SSH2: variants seen among roughly 807,000 people sequenced by gnomAD.
The protein encoded by SSH2 is slingshot protein phosphatase 2.
Under a neutral mutation model 135.2 loss-of-function variants are expected in SSH2, and 37 were observed. That is an observed-to-expected ratio of 0.27 (90% CI 0.21 to 0.36). The LOEUF (loss-of-function observed/expected upper bound fraction) is 0.36, where lower values mean the gene tolerates loss of function less well. Ranked by LOEUF, SSH2 falls within the 10% of genes least tolerant of loss-of-function variation. SSH2 has a pLI of 1.00. For missense variants in SSH2, 1,408 were observed against 1,765.3 expected, an observed-to-expected ratio of 0.80 and a Z score of 3.63; for synonymous variants, 628 against 646.2, an observed-to-expected ratio of 0.97 and a Z score of 0.43.
chr17:29,648,391 G>T, intron 13 of SSH2, 47 bp from the exon 14 acceptor site: 1 of 1,465,270 alleles, frequency 6.8e-7, no homozygotes, highest in Non-Finnish European at 9.2e-7. Flanking sequence ...TACAATAGTG[G>T]GGATATTTTA....
chr17:29,693,979 A>G (rs2038607646), intron 5 of SSH2, among the ~76,000 whole-genome samples: 1 of 152,194 alleles, frequency 6.6e-6, no homozygotes, highest in Non-Finnish European at 1.5e-5. Context: ...TACTACCTTT[A>G]GTTAGTAATC....
intron 14 of SSH2, among the ~76,000 whole-genome samples, chr17:29,640,109 C>T (rs1345469412): frequency 5.4e-5 from 8 of 149,396 alleles, no homozygotes; most frequent in South Asian, 4.2e-4. Context: ...GACGGAGTCT[C>T]GCTCTGTCAC....
At chr17:29,727,420 T>TA (rs1472852742) in intron 3 of SSH2, among the ~76,000 whole-genome samples, 2 of 152,196 alleles carry the variant, frequency 1.3e-5, no homozygotes, top group East Asian at 1.9e-4. Context: ...AATCCATTAT[T>TA]AAAAAATATC....
chr17:29,628,522 C>T lies in SSH2; in HGVS notation c.*2319G>A, dbSNP rs3809790. 0.57 allele frequency: 86,929 copies of T among 151,822 alleles called. 27,680 individuals are homozygous for T. Among genetic ancestry groups the T allele is most frequent in the African/African-American group, 0.87 (35,834 of 41,416 alleles). The allele number at this position is 151,822 out of a possible 1,614,324, so 9.4% of individuals were successfully genotyped here. ...GCCACTCTCTTAACTTCCAGGCAAA[C>T]CCTCTCCCCACCCTGCCATAAGTTC... On this transcript the variant is annotated 3_prime_UTR_variant, in exon 16 of 16. Transcript: ENST00000540801.
At chr17:29,753,665 G>A (rs941233054) in intron 3 of SSH2, among the ~76,000 whole-genome samples, 5 of 151,302 alleles carry the variant, frequency 3.3e-5, no homozygotes, top group Non-Finnish European at 7.4e-5. Flanking sequence ...GCGTGGTGGC[G>A]GGCACCTGTA....
chr17:29,915,370 A>G (rs1244907170), intron 1 of SSH2, among the ~76,000 whole-genome samples: 1 of 152,234 alleles, frequency 6.6e-6, no homozygotes, highest in African/African-American at 2.4e-5. Context: ...GATTAGACAG[A>G]TCATTCTTCT....
chr17:29,823,211 A>G (rs2042683877), intron 2 of SSH2, among the ~76,000 whole-genome samples: 1 of 152,236 alleles, frequency 6.6e-6, no homozygotes, highest in Non-Finnish European at 1.5e-5. Context: ...TTCATGTAAT[A>G]TATTCAAATA....
Position 29,897,707 on chromosome 17 carries a change from T to A in SSH2, c.63+32231A>T, listed in dbSNP as rs193030381. Reference sequence around the variant, plus strand: ...GACTTTAACACCCCACTGTCAACATTAGACAGATCAATGAGACAGAAGGTT... The same window carrying A: ...GACTTTAACACCCCACTGTCAACATAAGACAGATCAATGAGACAGAAGGTT... On this transcript the variant is annotated intron_variant, in intron 1 of 15. Transcript: ENST00000540801. Among the ~76,000 whole-genome samples, 584 of 152,116 alleles carry A rather than the reference T, an allele frequency of 3.8e-3. 3 individuals carry two copies. Among genetic ancestry groups the A allele is most frequent in the African/African-American group, 0.013 (553 of 41,476 alleles).
intron 3 of SSH2, among the ~76,000 whole-genome samples, chr17:29,746,367 G>A (rs568701443): frequency 3.3e-5 from 5 of 151,628 alleles, no homozygotes; most frequent in Admixed American, 2.0e-4. Flanking sequence ...CCAACATAGC[G>A]AAACTCCGCC....
chr17:29,725,170 ACC>A (rs1411763056), intron 3 of SSH2, among the ~76,000 whole-genome samples: 1 of 150,776 alleles, frequency 6.6e-6, no homozygotes, highest in African/African-American at 2.4e-5. Flanking sequence ...ACATGGTGAA[ACC>A]CCGTCTCTAC....
chr17:29,747,992 T>C (rs984642729), intron 3 of SSH2, among the ~76,000 whole-genome samples: 2 of 152,102 alleles, frequency 1.3e-5, no homozygotes, highest in African/African-American at 4.8e-5. Flanking sequence ...GGAGTAAATA[T>C]AGGTGAGCAC....
chr17:29,726,526 T>G (rs1160863664), intron 3 of SSH2, among the ~76,000 whole-genome samples: 1 of 152,162 alleles, frequency 6.6e-6, no homozygotes, highest in African/African-American at 2.4e-5. Flanking sequence ...AGATGTCACT[T>G]TGGTATTCCA....
chr17:29,632,777 G>A lies in SSH2; in HGVS notation c.2417C>T (p.Thr806Ile). The change falls in exon 16 of 16, where the codon ACA becomes ATA. Residue 806 changes from threonine (T) to isoleucine (I), a missense_variant. Around this residue, in one of 3 missense-constraint regions of SSH2, gnomAD observed 1,080 missense variants for 1,144.5 expected, o/e 0.94. Transcript: ENST00000540801. ...CTCATGGATGCTGTTCTTCTTTGGT[G>A]TATGGCATGGGTTGGGTAAGATGTC... Reference protein sequence around the residue: ...KGDILPNPCHTPKKNSIHELL... With the variant: ...KGDILPNPCHIPKKNSIHELL... 2 of 1,614,206 alleles carry A rather than the reference G, an allele frequency of 1.2e-6. No homozygotes were observed.
intron 3 of SSH2, among the ~76,000 whole-genome samples, chr17:29,714,953 G>A (rs1350835250): frequency 2.6e-5 from 4 of 151,800 alleles, no homozygotes; most frequent in South Asian, 2.1e-4. Context: ...TGCAACCTCC[G>A]CCTCCTGGGC....
intron 1 of SSH2, among the ~76,000 whole-genome samples, chr17:29,849,974 G>A (rs1428960403): frequency 7.0e-6 from 1 of 142,264 alleles, no homozygotes; most frequent in African/African-American, 2.6e-5. Context: ...AGGTTTCAGT[G>A]AGCTGAGATC....
At chr17:29,646,602 C>A (rs547485985) in intron 14 of SSH2, among the ~76,000 whole-genome samples, 4 of 152,022 alleles carry the variant, frequency 2.6e-5, no homozygotes, top group African/African-American at 9.7e-5. Flanking sequence ...CGGGTTCAAG[C>A]GATTATCCTG....
chr17:29,818,928 TA>T (rs894802320), intron 2 of SSH2, among the ~76,000 whole-genome samples: 4 of 151,812 alleles, frequency 2.6e-5, no homozygotes, highest in Non-Finnish European at 4.4e-5. Context: ...ATTCTTTGTT[TA>T]AAAAAAGGCA....
At chr17:29,656,188 T>G (rs2036772433) in intron 11 of SSH2, among the ~76,000 whole-genome samples, 1 of 152,194 alleles carries the variant, frequency 6.6e-6, no homozygotes, top group Non-Finnish European at 1.5e-5. Context: ...CACACTCTTT[T>G]TTTTCTGAGA....
intron 9 of SSH2, among the ~76,000 whole-genome samples, chr17:29,671,687 A>G (rs75527581): frequency 5.4e-4 from 83 of 152,326 alleles, no homozygotes; most frequent in African/African-American, 2.0e-3. Flanking sequence ...TGAATAATGA[A>G]ATTTTATCGT....
Sources: gnomAD v4.1 joint callset for allele counts (sites outside exome capture counted in the v4.1 genomes callset) on GRCh38, gnomAD v4.1.1 for gene constraint, gnomAD v4.1.1 regional missense constraint, MANE v1.5 for transcripts, NCBI Gene and HGNC (gene_info 2026-07-23, HGNC 2026-07-21) for gene names.